THRB: variants seen among roughly 807,000 people sequenced by gnomAD.
THRB encodes the protein nuclear receptor subfamily 1 group A member 2.
In THRB, 12 loss-of-function variants were observed where a neutral mutation model predicts 47.8. The observed-to-expected ratio is 0.25, with a 90% CI of 0.16 to 0.41. THRB has a LOEUF of 0.41. Among genes scored for constraint, THRB ranks in the 10% least tolerant of loss-of-function variants. THRB has a pLI of 1.00. For synonymous variants in THRB, 218 were observed against 212.2 expected, an observed-to-expected ratio of 1.03 and a Z score of -0.24; for missense variants, 348 against 589.2, an observed-to-expected ratio of 0.59 and a Z score of 4.24.
chr3:24,165,251 C>G, intron 5 of THRB: 1 of 765,040 alleles, frequency 1.3e-6, no homozygotes, highest in Non-Finnish European at 2.4e-6. Flanking sequence ...ACCGCTGTAA[C>G]CCGGACTATC....
At chr3:24,345,295 T>G (rs1176587845) in intron 1 of THRB, among the ~76,000 whole-genome samples, 1 of 152,082 alleles carries the variant, frequency 6.6e-6, no homozygotes, top group Admixed American at 6.6e-5. Context: ...ATTCACCACT[T>G]CAGAGAATCA....
chr3:24,221,522 G>A (rs1221239511), intron 4 of THRB, among the ~76,000 whole-genome samples: 2 of 152,146 alleles, frequency 1.3e-5, no homozygotes, highest in Non-Finnish European at 2.9e-5. Flanking sequence ...GATGTGGGAG[G>A]CAATGATCAT....
At chr3:24,449,249 T>G (rs1560212544) in intron 1 of THRB, among the ~76,000 whole-genome samples, 1 of 152,208 alleles carries the variant, frequency 6.6e-6, no homozygotes, top group Non-Finnish European at 1.5e-5. Flanking sequence ...TTCCTTATTT[T>G]AAATCTGTTC....
At chr3:24,333,021 T>G (rs1179818790) in intron 2 of THRB, among the ~76,000 whole-genome samples, 1 of 151,772 alleles carries the variant, frequency 6.6e-6, no homozygotes, top group Admixed American at 6.6e-5. Context: ...GAGGCGGAGT[T>G]TGCAGTGAGC....
At chr3:24,186,944 CAAAAAAAAAAAAAA>C (rs71057655) in intron 5 of THRB, among the ~76,000 whole-genome samples, 2 of 77,534 alleles carry the variant, frequency 2.6e-5, no homozygotes, top group East Asian at 4.0e-4. Flanking sequence ...GACTCCATTT[CAAAAAAAAAAAAAA>C]AAAAAAAAAG....
chr3:24,478,744 G>A (rs1477478583), intron 1 of THRB, among the ~76,000 whole-genome samples: 2 of 152,072 alleles, frequency 1.3e-5, no homozygotes, highest in African/African-American at 4.8e-5. Flanking sequence ...TTCCGGATTT[G>A]GAAACATCTC....
chr3:24,173,401 A>G (rs1366647678), intron 5 of THRB, among the ~76,000 whole-genome samples: 1 of 152,184 alleles, frequency 6.6e-6, no homozygotes, highest in African/African-American at 2.4e-5. Flanking sequence ...GGCGTGCTCC[A>G]TGTGGCCAAT....
chr3:24,240,675 T>C (rs2049395858), intron 3 of THRB, among the ~76,000 whole-genome samples: 1 of 152,216 alleles, frequency 6.6e-6, no homozygotes, highest in Non-Finnish European at 1.5e-5. Context: ...GCTAAACTAG[T>C]GTCTTTCAAA....
At chr3:24,195,460 T>C (rs967782608) in intron 4 of THRB, among the ~76,000 whole-genome samples, 2 of 152,238 alleles carry the variant, frequency 1.3e-5, no homozygotes, top group Non-Finnish European at 2.9e-5. Flanking sequence ...ACTACCTCAT[T>C]TAATTTTCCT....
rs578106876 is a variant in THRB at position 24,119,537 on chromosome 3, T to C, written c.*3347A>G. ...TTGGAGGCTGAGTCTGTGGGGGGCT[T>C]AGTGTCGAGGAGGGGCCAGGGCTTG... On this transcript the variant is annotated 3_prime_UTR_variant, in exon 11 of 11. Transcript: ENST00000646209. 2 of 152,308 alleles carry C rather than the reference T, an allele frequency of 1.3e-5. No individual in the cohort carries two copies. The highest frequency in any genetic ancestry group is 1.5e-5 in the Non-Finnish European group (1 of 68,186). 9.4% of individuals were successfully genotyped at this position (152,308 alleles called of 1,614,324 possible).
At chr3:24,219,581 C>A (rs6792783) in intron 4 of THRB, among the ~76,000 whole-genome samples, 7,967 of 152,252 alleles carry the variant, frequency 0.052, 609 homozygotes, top group African/African-American at 0.17. Context: ...CTACACAGTC[C>A]TCAGGAGTAG....
chr3:24,448,244 TA>T (rs1227652172), intron 1 of THRB, among the ~76,000 whole-genome samples: 1 of 152,080 alleles, frequency 6.6e-6, no homozygotes, highest in South Asian at 2.1e-4. Flanking sequence ...AACTTAACTT[TA>T]AAAAAGACTC....
At chr3:24,352,647 C>G (rs561606637) in intron 1 of THRB, among the ~76,000 whole-genome samples, 1 of 152,052 alleles carries the variant, frequency 6.6e-6, no homozygotes, top group Non-Finnish European at 1.5e-5. Flanking sequence ...AACCTACAAA[C>G]GCACAATGCA....
chr3:24,324,034 T>G (rs1018982110), intron 2 of THRB, among the ~76,000 whole-genome samples: 3 of 152,204 alleles, frequency 2.0e-5, no homozygotes, highest in African/African-American at 7.2e-5. Context: ...ATGAAAGTTT[T>G]CTACAATCTC....
rs970890600 is a variant in THRB, at chr3:24,122,347, A to C, written c.*537T>G. On this transcript the variant is annotated 3_prime_UTR_variant, in exon 11 of 11. Transcript: ENST00000646209. ...GGACACAAATATTCCTGTACATTCC[A>C]AGTTATGCTCCTAGGAGACCATAAA... 2 of 166,434 alleles carry C rather than the reference A, an allele frequency of 1.2e-5. No individual in the cohort carries two copies. The highest frequency in any genetic ancestry group is 4.8e-5 in the African/African-American group (2 of 41,654). The allele number at this position is 166,434 out of a possible 1,614,324, so 10.3% of individuals were successfully genotyped here.
intron 3 of THRB, among the ~76,000 whole-genome samples, chr3:24,264,187 C>A (rs1025193707): frequency 1.3e-5 from 2 of 152,086 alleles, no homozygotes; most frequent in African/African-American, 4.8e-5. Context: ...TCCTTCTTTT[C>A]CTCAAATATA....
chr3:24,307,531 T>G (rs2057441211), intron 2 of THRB, among the ~76,000 whole-genome samples: 1 of 152,180 alleles, frequency 6.6e-6, no homozygotes, highest in Non-Finnish European at 1.5e-5. Flanking sequence ...CATGTAGATA[T>G]AACATTAAAT....
At chr3:24,274,843 A>G (rs1051644377) in intron 3 of THRB, among the ~76,000 whole-genome samples, 1 of 152,066 alleles carries the variant, frequency 6.6e-6, no homozygotes, top group Non-Finnish European at 1.5e-5. Flanking sequence ...CATATCACAT[A>G]TATTATTTGC....
intron 2 of THRB, among the ~76,000 whole-genome samples, chr3:24,333,812 C>T (rs745973451): frequency 3.9e-5 from 6 of 152,230 alleles, no homozygotes; most frequent in East Asian, 1.9e-4. Flanking sequence ...AAATAGTAGA[C>T]ATTTTGTCCT....
Sources: allele counts gnomAD v4.1 joint callset (sites outside exome capture counted in the v4.1 genomes callset), GRCh38; gene constraint gnomAD v4.1.1; transcripts MANE v1.5; gene names NCBI Gene and HGNC (gene_info 2026-07-23, HGNC 2026-07-21).